SPICE1: variants seen among roughly 807,000 people sequenced by gnomAD.
SPICE1 encodes the protein spindle and centriole-associated protein 1.
SPICE1 carries 75 observed loss-of-function variants against 102.7 expected under a neutral mutation model. The observed-to-expected ratio is 0.73, with a 90% confidence interval of 0.61 to 0.88. SPICE1 has a LOEUF of 0.88. Among genes scored for constraint, SPICE1 ranks in the 40% least tolerant of loss-of-function variants. The probability of loss-of-function intolerance (pLI) is 0.00; values close to 1 mark genes in which losing one functional copy is unlikely to be tolerated. For synonymous variants in SPICE1, 308 were observed against 350.3 expected (o/e 0.88, Z 1.35); for missense variants, 979 against 1,020.1 (o/e 0.96, Z 0.55).
At position 113,450,500 on chromosome 3, in the gene SPICE1, T is replaced by A. The variant is rs756298336; in HGVS notation, c.2159A>T (p.Gln720Leu). Residue 720 changes from glutamine (Q) to leucine (L), a missense_variant, in exon 15 of 18, where the codon CAG (glutamine) becomes CTG (leucine). Gln to Leu is a moderately radical substitution (Grantham distance 113). Transcript: ENST00000295872. ...CTCCATACTACCTGGTGTTAGAGAC[T>A]GTGCTACTGGAAAAGTCTTTGGGAG... ...SDMTSTFPVA[Q>L]SLTPGSMEER... The A allele has an allele frequency of 1.3e-6, 2 of 1,599,950 alleles. No individual in the cohort carries two copies. Among genetic ancestry groups the A allele is most frequent in the African/African-American group, 2.7e-5 (2 of 73,742 alleles).
At chr3:113,510,437 G>C (rs1435430042) in intron 1 of SPICE1, among the ~76,000 whole-genome samples, 1 of 152,092 alleles carries the variant, frequency 6.6e-6, no homozygotes, top group Non-Finnish European at 1.5e-5. Flanking sequence ...TAGACCAACG[G>C]AACAGAATGG....
chr3:113,447,290 GC>G (rs1488128971), intron 16 of SPICE1, among the ~76,000 whole-genome samples: 1 of 152,030 alleles, frequency 6.6e-6, no homozygotes, highest in Non-Finnish European at 1.5e-5. Context: ...GTTCCCATAT[GC>G]CCCTTACCCC....
Position 113,453,860 on chromosome 3 carries a change from G to A in SPICE1, c.1748C>T (p.Thr583Ile), listed in dbSNP as rs1247791701. The change falls in exon 14 of 18, where the codon ACC becomes ATC. Residue 583 changes from threonine (T) to isoleucine (I), a missense_variant. Physicochemically the swap from Thr to Ile is moderately conservative, Grantham distance 89. Coordinates refer to ENST00000295872, the MANE Select transcript of SPICE1 (RefSeq NM_144718.4). Reference sequence around the variant, plus strand: ...CTGAATGTCTGTATCAATAGGTAAGGTCTTCTCTTCCCAATTTTGTTCCTT... The same window carrying A: ...CTGAATGTCTGTATCAATAGGTAAGATCTTCTCTTCCCAATTTTGTTCCTT... ...IEKEQNWEEK[T>I]LPIDTDIQNS... 4.3e-6 allele frequency: 7 copies of A among 1,614,068 alleles called. No homozygotes were observed. The African/African-American group carries it at 8.0e-5, about 18-fold the overall frequency.
chr3:113,451,550 A>T (rs1935652583), intron 14 of SPICE1, among the ~76,000 whole-genome samples: 1 of 152,240 alleles, frequency 6.6e-6, no homozygotes, highest in Non-Finnish European at 1.5e-5. Flanking sequence ...GGTAGTGAAG[A>T]CAGAAATATT....
intron 12 of SPICE1, chr3:113,460,242 A>G: frequency 1.0e-6 from 1 of 984,834 alleles, no homozygotes. Flanking sequence ...GAGCACTGGG[A>G]TTAAAAGTGC....
intron 2 of SPICE1, among the ~76,000 whole-genome samples, chr3:113,505,855 A>G (rs1937098261): frequency 6.6e-6 from 1 of 152,120 alleles, no homozygotes; most frequent in Non-Finnish European, 1.5e-5. Flanking sequence ...GCAGTGAGCT[A>G]TGATGGCATC....
intron 12 of SPICE1, among the ~76,000 whole-genome samples, chr3:113,459,201 A>G (rs1236241722): frequency 6.6e-6 from 1 of 152,184 alleles, no homozygotes; most frequent in Non-Finnish European, 1.5e-5. Flanking sequence ...GCTTTGTTAA[A>G]CAGATGCTTG....
intron 7 of SPICE1, among the ~76,000 whole-genome samples, chr3:113,483,667 G>A (rs770355270): frequency 1.3e-5 from 2 of 152,156 alleles, no homozygotes; most frequent in Non-Finnish European, 2.9e-5. Context: ...CTGTTTATGT[G>A]ATGGATTACA....
chr3:113,479,587 C>A (rs190879056), intron 7 of SPICE1, among the ~76,000 whole-genome samples: 70 of 152,178 alleles, frequency 4.6e-4, no homozygotes, highest in Admixed American at 1.5e-3. Context: ...TTTACAGTCC[C>A]ACCAACAGTG....
At chr3:113,465,098 CTCA>C in intron 11 of SPICE1, among the ~76,000 whole-genome samples, 1 of 92,702 alleles carries the variant, frequency 1.1e-5, no homozygotes, top group African/African-American at 6.1e-5. Flanking sequence ...GAGACACCAT[CTCA>C]AAAAAAAAAA....
At chr3:113,463,603 G>A (rs1011584904) in intron 11 of SPICE1, among the ~76,000 whole-genome samples, 7 of 152,186 alleles carry the variant, frequency 4.6e-5, no homozygotes, top group Admixed American at 4.6e-4. Context: ...ATGAAGTACT[G>A]ATACATGCTA....
intron 14 of SPICE1, among the ~76,000 whole-genome samples, chr3:113,452,608 C>A (rs577715339): frequency 6.6e-6 from 1 of 152,004 alleles, no homozygotes; most frequent in East Asian, 1.9e-4. Flanking sequence ...CGCTTGAACC[C>A]AGGAGGTGGC....
chr3:113,451,375 T>A (rs909930382), intron 14 of SPICE1, among the ~76,000 whole-genome samples: 27 of 152,184 alleles, frequency 1.8e-4, no homozygotes, highest in African/African-American at 6.5e-4. Flanking sequence ...TTCCTAATTA[T>A]GTCATTATTT....
chr3:113,481,047 C>T (rs1307156952), intron 7 of SPICE1, among the ~76,000 whole-genome samples: 4 of 151,928 alleles, frequency 2.6e-5, no homozygotes, highest in African/African-American at 9.7e-5. Context: ...GAACACTGTC[C>T]TATAACTAAT....
chr3:113,508,839 A>G (rs1373535058), intron 1 of SPICE1, among the ~76,000 whole-genome samples: 3 of 152,212 alleles, frequency 2.0e-5, no homozygotes, highest in Admixed American at 2.0e-4. Flanking sequence ...ACAGACAAAA[A>G]GTAGAGACAT....
Position 113,468,994 on chromosome 3 carries a change from G to C in SPICE1, c.752-95C>G, listed in dbSNP as rs1234928371. ...GATCCATCAGTATTTTAGTCAATTA[G>C]GCAAAGGCAGTCAAAACTCAAATAA... On this transcript the variant is annotated intron_variant, in intron 8 of 17. Coordinates refer to ENST00000295872, the MANE Select transcript of SPICE1 (RefSeq NM_144718.4). 7.1e-6 allele frequency: 11 copies of C among 1,558,912 alleles called. No homozygotes were observed. In the Admixed American group the frequency reaches 1.9e-4, roughly 28 times the overall value.
chr3:113,467,538 C>T (rs1936088732), intron 10 of SPICE1, among the ~76,000 whole-genome samples: 2 of 152,242 alleles, frequency 1.3e-5, no homozygotes, highest in African/African-American at 2.4e-5. Flanking sequence ...AGGCAATCTG[C>T]CCGCCTCGGC....
intron 2 of SPICE1, among the ~76,000 whole-genome samples, 162 bp from the exon 3 acceptor site, chr3:113,503,389 A>T (rs1937046496): frequency 6.6e-6 from 1 of 152,170 alleles, no homozygotes; most frequent in Non-Finnish European, 1.5e-5. Context: ...AACACATATT[A>T]GTTTTAGGTG....
At chr3:113,503,048 T>A (rs988824609) in intron 3 of SPICE1, 132 bp downstream of exon 3, 1 of 880,474 alleles carries the variant, frequency 1.1e-6, no homozygotes. Flanking sequence ...TTTGATTTTA[T>A]ATAGACATAA....
Sources: gnomAD v4.1 joint callset for allele counts (sites outside exome capture counted in the v4.1 genomes callset) on GRCh38, gnomAD v4.1.1 for gene constraint, MANE v1.5 for transcripts, NCBI Gene and HGNC (gene_info 2026-07-23, HGNC 2026-07-21) for gene names.